The following CAPN11 variants were observed in gnomAD, a reference collection of about 807,000 sequenced individuals.
CAPN11 encodes the protein calpain 11, also known as calpain-11.
CAPN11 carries 108 observed loss-of-function variants against 105.3 expected under a neutral mutation model. The observed-to-expected ratio is 1.03, with a 90% CI of 0.88 to 1.20. The LOEUF (loss-of-function observed/expected upper bound fraction) is 1.20, where lower values mean the gene tolerates loss of function less well. Ranked by LOEUF, CAPN11 falls within the 50% of genes most tolerant of loss-of-function variation. The pLI is 0.00. For missense variants in CAPN11, 883 were observed against 924.8 expected (o/e 0.95, Z 0.59); for synonymous variants, 329 against 344.5 (o/e 0.96, Z 0.50).
chr6:44,165,956 GAAGGCC>G (rs1433261342), intron 1 of CAPN11, among the ~76,000 whole-genome samples: 1 of 152,166 alleles, frequency 6.6e-6, no homozygotes, highest in East Asian at 1.9e-4. Context: ...GGGGTTGTCT[GAAGGCC>G]CTGGCCTCGG....
intron 19 of CAPN11, 131 bp downstream of exon 19, chr6:44,181,451 A>ACACACACACACACCCAACCACACCACACT (rs1773185436): frequency 0.03 from 7,210 of 242,908 alleles, 1,780 homozygotes; most frequent in Middle Eastern, 0.051. Context: ...CACCACACTC[A>ACACACACACACACCCAACCACACCACACT]CACACACACA....
intron 4 of CAPN11, among the ~76,000 whole-genome samples, chr6:44,170,314 C>T (rs1470602553): frequency 6.6e-6 from 1 of 152,214 alleles, no homozygotes; most frequent in Non-Finnish European, 1.5e-5. Context: ...GAAGCAGAAT[C>T]ACTGGATGGG....
At chr6:44,169,998 G>T (rs181949159) in intron 4 of CAPN11, 23 bp downstream of exon 4, 3 of 1,587,384 alleles carry the variant, frequency 1.9e-6, no homozygotes, top group African/African-American at 1.3e-5. Flanking sequence ...CAGGAAGCTG[G>T]TCTCCACCTG....
chr6:44,177,303 T>A lies in CAPN11; in HGVS notation c.1299T>A (p.Asp433Glu). 6.2e-7 allele frequency: 1 copy of A among 1,613,504 alleles called. No individual in the cohort carries two copies. Among genetic ancestry groups the A allele is most frequent in the Non-Finnish European group, 8.5e-7 (1 of 1,179,712 alleles). The change falls in exon 12 of 23, where the codon GAT becomes GAA. Residue 433 changes from aspartate (D) to glutamate (E), a missense_variant. By Grantham distance (45) the Asp-to-Glu change is conservative. Transcript: ENST00000398776. ...TTCCTGAGGGGGATGACCCAGAGGA[T>A]GACGCAGAGGGCAATGTTGTGGTCT... The part of the protein sequence containing the change: ...ISLPEGDDPE[D>E]DAEGNVVVCT...
intron 7 of CAPN11, among the ~76,000 whole-genome samples, 195 bp from the exon 8 acceptor site, chr6:44,175,873 G>A (rs1582877380): frequency 6.6e-6 from 1 of 152,078 alleles, no homozygotes; most frequent in East Asian, 1.9e-4. Flanking sequence ...CCTGAGTATG[G>A]GATACACGGG....
At chr6:44,160,530 T>A (rs956744132) in intron 1 of CAPN11, among the ~76,000 whole-genome samples, 1 of 152,020 alleles carries the variant, frequency 6.6e-6, no homozygotes, top group Non-Finnish European at 1.5e-5. Flanking sequence ...GGCAGGAGAA[T>A]AGCGTGAACC....
chr6:44,164,108 G>A (rs796775984), intron 1 of CAPN11, among the ~76,000 whole-genome samples: 39 of 152,252 alleles, frequency 2.6e-4, no homozygotes, highest in African/African-American at 9.4e-4. Flanking sequence ...GGAGTTTGAG[G>A]TTGCAGTGAG....
In CAPN11 at chr6:44,172,850, C is replaced by T. The variant is rs1235683935; in HGVS notation, c.529-90C>T. On this transcript the variant is annotated intron_variant, in intron 5 of 22. Transcript: ENST00000398776. ...ATTCAGTGATTCTGGAGAGTGGAGC[C>T]TCTGACACTGGCGTGTCATCAGGTC... is the stretch of plus-strand genomic sequence containing the variant. 5.7e-6 allele frequency: 8 copies of T among 1,395,386 alleles called. No individual in the cohort carries two copies. The Middle Eastern group carries it at 5.4e-4, about 95-fold the overall frequency. The allele number at this position is 1,395,386 out of a possible 1,614,324, so 86.4% of individuals were successfully genotyped here. A position where few individuals can be genotyped will look rare whatever the true frequency, so the allele number is the denominator to read the frequency against.
At chr6:44,167,790 C>A (rs947356601) in intron 2 of CAPN11, among the ~76,000 whole-genome samples, 3 of 151,882 alleles carry the variant, frequency 2.0e-5, no homozygotes, top group Admixed American at 2.0e-4. Flanking sequence ...GTGGCACACA[C>A]CTGTGGTCCC....
Position 44,176,060 on chromosome 6 carries a change from T to C in CAPN11, c.832-8T>C. ...CCTCCATGCTCTCCCTCCCTCTCTG[T>C]TCTGTAGGTCACCAGTGATAGTGAA... is the stretch of plus-strand genomic sequence containing the variant. On this transcript the variant is annotated splice_region_variant and splice_polypyrimidine_tract_variant and intron_variant, in intron 7 of 22. Transcript: ENST00000398776. 6.2e-7 allele frequency: 1 copy of C among 1,602,836 alleles called. No individual in the cohort carries two copies. The highest frequency in any genetic ancestry group is 8.5e-7 in the Non-Finnish European group (1 of 1,172,098).
chr6:44,170,511 G>T (rs1770796460), intron 4 of CAPN11, among the ~76,000 whole-genome samples: 2 of 152,316 alleles, frequency 1.3e-5, no homozygotes, highest in South Asian at 4.1e-4. Flanking sequence ...CCATGGGGCT[G>T]CTTGAGTGTC....
Position 44,169,341 on chromosome 6 carries a change from A to G in CAPN11, c.149A>G (p.Lys50Arg), listed in dbSNP as rs755110559. 1.6e-5 allele frequency: 26 copies of G among 1,613,892 alleles called. No homozygotes were observed. The South Asian group carries it at 2.9e-4, about 18-fold the overall frequency. ...ATAAACAACAGCCGGCTCAAGGCCA[A>G]GGGCGTGGGCCAGCACGACAACGCC... Reference protein sequence around the residue: ...AHINNSRLKAKGVGQHDNAQN... With the variant: ...AHINNSRLKARGVGQHDNAQN... The change falls in exon 3 of 23, where the codon AAG becomes AGG. Residue 50 changes from lysine (K) to arginine (R), a missense_variant. Transcript: ENST00000398776.
intron 7 of CAPN11, among the ~76,000 whole-genome samples, chr6:44,175,550 C>T (rs981961737): frequency 1.3e-5 from 2 of 151,910 alleles, no homozygotes; most frequent in Admixed American, 6.6e-5. Flanking sequence ...CCGAGGTGGG[C>T]GGATCACCTG....
chr6:44,178,051 A>T (rs752652043), intron 12 of CAPN11, among the ~76,000 whole-genome samples: 1 of 151,466 alleles, frequency 6.6e-6, no homozygotes, highest in Non-Finnish European at 1.5e-5. Context: ...GGGTCTCACT[A>T]TGTTGCCCAG....
Position 44,176,065 on chromosome 6 carries a change from T to A in CAPN11, c.832-3T>A, listed in dbSNP as rs557559558. ...ATGCTCTCCCTCCCTCTCTGTTCTGTAGGTCACCAGTGATAGTGAACTGGA... is the reference window on the plus strand; with the variant it reads ...ATGCTCTCCCTCCCTCTCTGTTCTGAAGGTCACCAGTGATAGTGAACTGGA... On this transcript the variant is annotated splice_region_variant and splice_polypyrimidine_tract_variant and intron_variant, in intron 7 of 22. Coordinates refer to ENST00000398776, the MANE Select transcript of CAPN11 (RefSeq NM_007058.4). The A allele has an allele frequency of 1.9e-6, 3 of 1,605,914 alleles. No individual in the cohort carries two copies. The highest frequency in any genetic ancestry group is 2.6e-6 in the Non-Finnish European group (3 of 1,174,478).
chr6:44,172,698 T>C (rs752481475), intron 5 of CAPN11, among the ~76,000 whole-genome samples: 1 of 152,194 alleles, frequency 6.6e-6, no homozygotes, highest in Non-Finnish European at 1.5e-5. Flanking sequence ...GTAGTCTCTG[T>C]CACATAATTT....
chr6:44,177,001 G>T lies in CAPN11; in HGVS notation c.1237+3G>T. On this transcript the variant is annotated splice_donor_region_variant and intron_variant, in intron 11 of 22. Transcript: ENST00000398776. The stretch of plus-strand genomic sequence containing the variant: ...AGGGGGCTGCAGGAACCACCCTGGT[G>T]GGTGAGGGGTGAGAGGGGAGGGGGT... 6.2e-7 allele frequency: 1 copy of T among 1,608,904 alleles called. No homozygotes were observed. Among genetic ancestry groups the T allele is most frequent in the South Asian group, 1.1e-5 (1 of 90,952 alleles).
rs142921423 is a variant in CAPN11 at position 44,169,093 on chromosome 6, G to C, written c.89-188G>C. ...CTACAGGCACACGTCACCATGCCCAGCTAATTAAAAAAAATTTTTTTGTCG... is the reference window on the plus strand; with the variant it reads ...CTACAGGCACACGTCACCATGCCCACCTAATTAAAAAAAATTTTTTTGTCG... On this transcript the variant is annotated intron_variant, in intron 2 of 22. Transcript: ENST00000398776. 1,496 of 628,342 alleles carry C rather than the reference G, an allele frequency of 2.4e-3. 17 individuals carry two copies. The African/African-American group carries it at 0.025, about 10-fold the overall frequency. The allele number at this position is 628,342 out of a possible 1,614,324, so 38.9% of individuals were successfully genotyped here.
chr6:44,163,041 G>C (rs76813410), intron 1 of CAPN11, among the ~76,000 whole-genome samples: 2,528 of 152,256 alleles, frequency 0.017, 65 homozygotes, highest in African/African-American at 0.057. Flanking sequence ...AATACCAGTT[G>C]ACCAACTAGG....
Sources: allele counts gnomAD v4.1 joint callset (sites outside exome capture counted in the v4.1 genomes callset), GRCh38; gene constraint gnomAD v4.1.1; transcripts MANE v1.5; gene names NCBI Gene and HGNC (gene_info 2026-07-23, HGNC 2026-07-21).